The following SGCD variants were observed in gnomAD, a reference collection of about 807,000 sequenced individuals.
SGCD encodes delta-sarcoglycan.
In SGCD, 18 loss-of-function variants were observed where a neutral mutation model predicts 36.6. The observed-to-expected ratio is 0.49, with a 90% CI of 0.34 to 0.73. The LOEUF is 0.73. SGCD is among the 30% of genes least tolerant of loss of function. The pLI is 0.01. For synonymous variants in SGCD, 133 were observed against 130.6 expected, an observed-to-expected ratio of 1.02 and a Z score of -0.12; for missense variants, 387 against 346.7, an observed-to-expected ratio of 1.12 and a Z score of -0.92.
the SGCD span, among the ~76,000 whole-genome samples, chr5:155,826,470 CA>C: frequency 4.6e-5 from 7 of 152,322 alleles, no homozygotes; most frequent in African/African-American, 1.7e-4. Flanking sequence ...CTGCATCTCT[CA>C]CTCTTCCCAC....
intron 7 of SGCD, among the ~76,000 whole-genome samples, chr5:156,737,909 C>T (rs747454266): frequency 2.6e-5 from 4 of 152,180 alleles, no homozygotes; most frequent in Non-Finnish European, 4.4e-5. Flanking sequence ...ACAGGCATCT[C>T]CTCCTAATCC....
rs1183279433 is a variant in SGCD, at chr5:156,698,336, A to G, written c.575+50800A>G. On this transcript the variant is annotated intron_variant, in intron 7 of 8. Coordinates refer to ENST00000337851, the MANE Select transcript of SGCD (RefSeq NM_000337.6). ...GGCAGATATGACATGTTGAAAAAGT[A>G]AAGATTTCTCTGGCAACTGCCTCTT... 2.6e-5 allele frequency among the ~76,000 whole-genome samples: 4 copies of G among 152,212 alleles called. No homozygotes were observed. The East Asian group carries it at 7.7e-4, about 29-fold the overall frequency.
intron 4 of SGCD, among the ~76,000 whole-genome samples, chr5:156,521,631 C>T (rs768943696): frequency 5.3e-5 from 8 of 152,188 alleles, no homozygotes; most frequent in Non-Finnish European, 7.4e-5. Flanking sequence ...AAATCCAAAT[C>T]AAATCCACAA....
chr5:156,192,386 C>T (rs1431065563), intron 3 of SGCD, among the ~76,000 whole-genome samples: 2 of 152,024 alleles, frequency 1.3e-5, no homozygotes, highest in Non-Finnish European at 2.9e-5. Flanking sequence ...AGACAAATAT[C>T]ATGTGTTCTC....
At chr5:156,350,421 G>C (rs1391827983) in intron 3 of SGCD, among the ~76,000 whole-genome samples, 1 of 151,668 alleles carries the variant, frequency 6.6e-6, no homozygotes, top group Non-Finnish European at 1.5e-5. Flanking sequence ...GAAAGTGTTT[G>C]TGAAACCTTG....
chr5:156,467,526 T>C (rs1349603456), intron 3 of SGCD, among the ~76,000 whole-genome samples: 1 of 152,208 alleles, frequency 6.6e-6, no homozygotes, highest in East Asian at 1.9e-4. Context: ...ACAATCTCTC[T>C]TGAGTTGTGA....
At chr5:156,675,686 A>G (rs1010434613) in intron 7 of SGCD, among the ~76,000 whole-genome samples, 90 of 152,328 alleles carry the variant, frequency 5.9e-4, no homozygotes, top group African/African-American at 2.1e-3. Context: ...TAAAAAGGTG[A>G]GTTTTGTAAG....
intron 7 of SGCD, among the ~76,000 whole-genome samples, chr5:156,668,351 T>G (rs1252156907): frequency 6.6e-6 from 1 of 152,226 alleles, no homozygotes; most frequent in Non-Finnish European, 1.5e-5. Context: ...CTTTTCCCTA[T>G]TAGTATCGTA....
intron 2 of SGCD, chr5:156,118,043 A>T (rs1265773279): frequency 2.0e-5 from 3 of 152,256 alleles, no homozygotes; most frequent in Admixed American, 1.3e-4. Flanking sequence ...AGCTAGCAAA[A>T]ATAGCCCCTG....
At chr5:156,028,958 G>T (rs750994856) in intron 1 of SGCD, among the ~76,000 whole-genome samples, 3 of 152,106 alleles carry the variant, frequency 2.0e-5, no homozygotes, top group Non-Finnish European at 4.4e-5. Flanking sequence ...CTTTAAGTGT[G>T]TGTACGCAGG....
At chr5:156,506,819 A>T (rs1216787660) in intron 3 of SGCD, among the ~76,000 whole-genome samples, 2 of 152,258 alleles carry the variant, frequency 1.3e-5, no homozygotes, top group Non-Finnish European at 2.9e-5. Context: ...GGGAAAATCC[A>T]ACTCTGTCAA....
At chr5:156,558,143 A>G (rs996647860) in intron 4 of SGCD, among the ~76,000 whole-genome samples, 3 of 133,206 alleles carry the variant, frequency 2.3e-5, no homozygotes, top group Admixed American at 7.8e-5. Context: ...TCTCTTTTAA[A>G]GGCAGTTTGA....
chr5:156,443,997 C>T (rs1753617711), intron 3 of SGCD, among the ~76,000 whole-genome samples: 1 of 151,766 alleles, frequency 6.6e-6, no homozygotes, highest in Admixed American at 6.6e-5. Context: ...CCTAATGACC[C>T]ACCTAAACAA....
At chr5:155,888,925 A>G (rs747679200) in intron 1 of SGCD, among the ~76,000 whole-genome samples, 2 of 152,130 alleles carry the variant, frequency 1.3e-5, no homozygotes, top group Non-Finnish European at 2.9e-5. Context: ...GATCTACCTT[A>G]ATTGGCCTCC....
chr5:156,006,878 T>A (rs1013819929), intron 1 of SGCD, among the ~76,000 whole-genome samples: 3 of 152,228 alleles, frequency 2.0e-5, no homozygotes, highest in African/African-American at 4.8e-5. Flanking sequence ...TCCCCCTTTT[T>A]TGGATTCTTG....
At chr5:156,595,474 A>G (rs908393519) in intron 6 of SGCD, among the ~76,000 whole-genome samples, 12 of 152,306 alleles carry the variant, frequency 7.9e-5, no homozygotes, top group African/African-American at 2.9e-4. Flanking sequence ...ACTAAGACAA[A>G]TGGTGTCTAG....
At chr5:156,262,898 GGTGTGTGT>G (rs66684897) in intron 3 of SGCD, among the ~76,000 whole-genome samples, 4 of 147,776 alleles carry the variant, frequency 2.7e-5, no homozygotes, top group Non-Finnish European at 4.5e-5. Flanking sequence ...AGTATTCCAT[GGTGTGTGT>G]GTGTGTGTGT....
chr5:156,685,447 G>A (rs142533001), intron 7 of SGCD, among the ~76,000 whole-genome samples: 1 of 152,188 alleles, frequency 6.6e-6, no homozygotes, highest in Non-Finnish European at 1.5e-5. Context: ...ATGCTGTCTA[G>A]AATGCTTTAG....
chr5:156,517,337 T>G (rs1757219477), intron 4 of SGCD, among the ~76,000 whole-genome samples: 1 of 151,866 alleles, frequency 6.6e-6, no homozygotes, highest in South Asian at 2.1e-4. Flanking sequence ...AACTATAGGA[T>G]TATGTAAAAA....
Sources: gnomAD v4.1 joint callset for allele counts (sites outside exome capture counted in the v4.1 genomes callset) on GRCh38, gnomAD v4.1.1 for gene constraint, MANE v1.5 for transcripts, NCBI Gene and HGNC (gene_info 2026-07-23, HGNC 2026-07-21) for gene names.